SWT1: variants seen among roughly 807,000 people sequenced by gnomAD.
The protein encoded by SWT1 is SWT1 RNA endoribonuclease homolog, also known as transcriptional protein SWT1.
A neutral mutation model predicts 107.3 loss-of-function variants in SWT1; 33 were observed. The observed-to-expected ratio is 0.31, with a 90% CI of 0.23 to 0.41. The LOEUF is 0.41. Among genes scored for constraint, SWT1 ranks in the 10% least tolerant of loss-of-function variants. SWT1 has a pLI of 1.00. For synonymous variants in SWT1, 345 were observed against 348.3 expected (o/e 0.99, Z 0.11); for missense variants, 898 against 1,028.9 (o/e 0.87, Z 1.74).
chr1:185,182,668 CAAAAAAA>C (rs59326029), intron 7 of SWT1, among the ~76,000 whole-genome samples: 20 of 67,034 alleles, frequency 3.0e-4, no homozygotes, highest in African/African-American at 9.5e-4. Context: ...CTCTCTCTCT[CAAAAAAA>C]AAAAAAAAAA....
At chr1:185,187,741 A>G (rs1206551329) in intron 9 of SWT1, among the ~76,000 whole-genome samples, 2 of 151,986 alleles carry the variant, frequency 1.3e-5, no homozygotes, top group Non-Finnish European at 2.9e-5. Context: ...CTGGAGTGCA[A>G]TGGCGTGATC....
chr1:185,279,909 G>A (rs936835135), intron 18 of SWT1, among the ~76,000 whole-genome samples: 3 of 151,496 alleles, frequency 2.0e-5, no homozygotes, highest in East Asian at 3.9e-4. Flanking sequence ...CTTTGTTTTT[G>A]TTTTTTTTAA....
intron 15 of SWT1, chr1:185,227,175 T>C: frequency 1.0e-6 from 1 of 969,270 alleles, no homozygotes; most frequent in African/African-American, 1.6e-5. Context: ...TTTGGTACTA[T>C]GAGGGATAGA....
intron 16 of SWT1, among the ~76,000 whole-genome samples, chr1:185,266,864 G>T (rs571133084): frequency 6.6e-6 from 1 of 152,220 alleles, no homozygotes; most frequent in African/African-American, 2.4e-5. Context: ...CTCTGATAAA[G>T]ATAAAACAAC....
intron 18 of SWT1, among the ~76,000 whole-genome samples, chr1:185,286,443 C>G (rs1343090808): frequency 6.6e-6 from 1 of 152,100 alleles, no homozygotes; most frequent in African/African-American, 2.4e-5. Context: ...CCAGGCTGGT[C>G]TCGAACTCCT....
At chr1:185,284,037 G>A (rs1266958711) in intron 18 of SWT1, among the ~76,000 whole-genome samples, 5 of 152,140 alleles carry the variant, frequency 3.3e-5, no homozygotes, top group Non-Finnish European at 2.9e-5. Context: ...ATTCTCAGAA[G>A]CTACACTATT....
chr1:185,249,121 C>CT (rs1661826731), intron 16 of SWT1, among the ~76,000 whole-genome samples: 1 of 152,168 alleles, frequency 6.6e-6, no homozygotes, highest in African/African-American at 2.4e-5. Flanking sequence ...TCTCCAGCCT[C>CT]TAAGGCTGGC....
chr1:185,255,249 A>G lies in SWT1; in HGVS notation c.2442-16074A>G, dbSNP rs903463109. Among the ~76,000 whole-genome samples the G allele has an allele frequency of 4.0e-5, 6 of 151,136 alleles. No homozygotes were observed. The South Asian group carries it at 6.3e-4, about 16-fold the overall frequency. Reference sequence around the variant, plus strand: ...TGTGGTGTGGTGCTGAAAAAAATGTATATTCTGTTGATTTGGGGTGGAGAG... The same window carrying G: ...TGTGGTGTGGTGCTGAAAAAAATGTGTATTCTGTTGATTTGGGGTGGAGAG... On this transcript the variant is annotated intron_variant, in intron 16 of 18. Coordinates refer to ENST00000367500, the MANE Select transcript of SWT1 (RefSeq NM_017673.7).
chr1:185,290,308 G>T (rs920078572), intron 18 of SWT1, among the ~76,000 whole-genome samples: 1 of 151,998 alleles, frequency 6.6e-6, no homozygotes, highest in Non-Finnish European at 1.5e-5. Flanking sequence ...TGGGCGTGGT[G>T]GCTCATGCAT....
At chr1:185,168,494 TGC>T (rs1654780339) in intron 4 of SWT1, 96 bp downstream of exon 4, 1 of 607,384 alleles carries the variant, frequency 1.6e-6, no homozygotes, top group Admixed American at 4.7e-5. Flanking sequence ...TGAAGAGGAC[TGC>T]TTTGCATGCA....
intron 15 of SWT1, among the ~76,000 whole-genome samples, chr1:185,230,431 C>T (rs1333481505): frequency 2.6e-5 from 4 of 152,160 alleles, no homozygotes; most frequent in Non-Finnish European, 4.4e-5. Flanking sequence ...CCAGCAGTCC[C>T]TGCCTTGTAG....
In SWT1 at chr1:185,290,574, ATTTT is replaced by A. The variant is rs893640586; in HGVS notation, c.2574-97_2574-94del. 5 of 791,908 alleles carry A rather than the reference ATTTT, an allele frequency of 6.3e-6. No homozygotes were observed. The South Asian group carries it at 1.3e-4, about 21-fold the overall frequency. The allele number at this position is 791,908 out of a possible 1,614,324, so 49.1% of individuals were successfully genotyped here. On this transcript the variant is annotated intron_variant, in intron 18 of 18. Transcript: ENST00000367500. ...ATCATGTTATACATAATATATATAT[ATTTT>A]TTATTTGTCAATTAAAATGTAAAAT...
At chr1:185,252,874 T>C (rs1393935474) in intron 16 of SWT1, among the ~76,000 whole-genome samples, 1 of 148,484 alleles carries the variant, frequency 6.7e-6, no homozygotes, top group Non-Finnish European at 1.5e-5. Flanking sequence ...ATGTCCTGAA[T>C]GGTAATGCCT....
In SWT1 at chr1:185,222,450, ATCT is replaced by A. The variant is rs561351639; in HGVS notation, c.2309+419_2309+421del. Among the ~76,000 whole-genome samples, 358 of 152,056 alleles carry A rather than the reference ATCT, an allele frequency of 2.4e-3. 1 individual carries two copies. Among genetic ancestry groups the A allele is most frequent in the South Asian group, 4.4e-3 (21 of 4,824 alleles). On this transcript the variant is annotated intron_variant, in intron 15 of 18. Coordinates refer to ENST00000367500, the MANE Select transcript of SWT1 (RefSeq NM_017673.7). ...TTCATCAGCTCATGCATTTATCATG[ATCT>A]TCTTTGTGATAAGAACATTTAGGCC...
Position 185,174,626 on chromosome 1 carries a change from T to G in SWT1, c.479T>G (p.Val160Gly). The change falls in exon 5 of 19, where the codon GTG becomes GGG. Residue 160 changes from valine to glycine, a missense_variant. By Grantham distance (109) the Val-to-Gly change is moderately radical. Coordinates refer to ENST00000367500, the MANE Select transcript of SWT1 (RefSeq NM_017673.7). ...SLSSPKIASDVKPKAEGQASE... is the reference protein window; with the variant it reads ...SLSSPKIASDGKPKAEGQASE... Reference sequence around the variant, plus strand: ...AGTAGTCCTAAGATTGCCAGTGATGTGAAACCTAAAGCCGAAGGCCAGGCA... The same window carrying G: ...AGTAGTCCTAAGATTGCCAGTGATGGGAAACCTAAAGCCGAAGGCCAGGCA... 5.0e-6 allele frequency: 8 copies of G among 1,612,426 alleles called. No homozygotes were observed. The highest frequency in any genetic ancestry group is 6.8e-6 in the Non-Finnish European group (8 of 1,179,644).
chr1:185,226,249 T>G (rs1030881758), intron 15 of SWT1, among the ~76,000 whole-genome samples: 2 of 152,202 alleles, frequency 1.3e-5, no homozygotes, highest in Non-Finnish European at 2.9e-5. Flanking sequence ...GTAATAGCAT[T>G]TCAGCAAGAC....
intron 15 of SWT1, among the ~76,000 whole-genome samples, chr1:185,224,246 G>A (rs1224940776): frequency 2.0e-5 from 3 of 152,002 alleles, no homozygotes; most frequent in East Asian, 3.8e-4. Flanking sequence ...GATGGCTTTG[G>A]GTATGTTAAT....
At chr1:185,226,649 T>C (rs1479711723) in intron 15 of SWT1, among the ~76,000 whole-genome samples, 1 of 152,154 alleles carries the variant, frequency 6.6e-6, no homozygotes, top group Non-Finnish European at 1.5e-5. Flanking sequence ...TAGTTAAGTG[T>C]TAGATACTAC....
intron 16 of SWT1, among the ~76,000 whole-genome samples, chr1:185,257,650 G>A (rs1437031349): frequency 6.6e-6 from 1 of 152,200 alleles, no homozygotes; most frequent in Non-Finnish European, 1.5e-5. Context: ...CGCACATGGT[G>A]CGCGCACCCA....
Sources: allele counts gnomAD v4.1 joint callset (sites outside exome capture counted in the v4.1 genomes callset), GRCh38; gene constraint gnomAD v4.1.1; transcripts MANE v1.5; gene names NCBI Gene and HGNC (gene_info 2026-07-23, HGNC 2026-07-21).